QKI: variants seen among roughly 807,000 people sequenced by gnomAD.
QKI encodes the protein QKI, KH domain containing RNA binding, also known as KH domain-containing RNA-binding protein QKI.
In QKI, 10 loss-of-function variants were observed where a neutral mutation model predicts 39.0. The ratio of observed to expected loss-of-function variants is 0.26; its 90% CI spans 0.16 to 0.43. The LOEUF (loss-of-function observed/expected upper bound fraction) is 0.43, where lower values mean the gene tolerates loss of function less well. Among genes scored for constraint, QKI ranks in the 20% least tolerant of loss-of-function variants. QKI has a pLI of 1.00. For missense variants in QKI, 218 were observed against 428.0 expected, an observed-to-expected ratio of 0.51 and a Z score of 4.33; for synonymous variants, 204 against 155.4, an observed-to-expected ratio of 1.31 and a Z score of -2.33.
intron 1 of QKI, among the ~76,000 whole-genome samples, chr6:163,439,361 G>A (rs1231617972): frequency 6.8e-6 from 1 of 147,468 alleles, no homozygotes; most frequent in African/African-American, 2.5e-5. Context: ...TTTTCGGGGG[G>A]GTGGGGGACG....
chr6:163,527,710 A>T (rs1200894728), intron 3 of QKI, among the ~76,000 whole-genome samples: 1 of 151,826 alleles, frequency 6.6e-6, no homozygotes, highest in East Asian at 1.9e-4. Context: ...TGTTGAGATT[A>T]TTTTTTTACT....
Position 163,578,477 on chromosome 6 carries a change from A to C in QKI, c.*7767A>C, listed in dbSNP as rs1371854132. 6.6e-6 allele frequency: 1 copy of C among 152,254 alleles called. No homozygotes were observed. The highest frequency in any genetic ancestry group is 1.5e-5 in the Non-Finnish European group (1 of 68,052). 9.4% of individuals were successfully genotyped at this position (152,254 alleles called of 1,614,324 possible). A position where few individuals can be genotyped will look rare whatever the true frequency, so the allele number is the denominator to read the frequency against. On this transcript the variant is annotated 3_prime_UTR_variant, in exon 8 of 8. Coordinates refer to ENST00000361752, the MANE Select transcript of QKI (RefSeq NM_006775.3). Reference sequence around the variant, plus strand: ...TATAAAATTAAGACATACTGGTAGTACAAGTTGAAAGTTGGTTTGAATACA... The same window carrying C: ...TATAAAATTAAGACATACTGGTAGTCCAAGTTGAAAGTTGGTTTGAATACA...
intron 6 of QKI, chr6:163,564,245 A>G: frequency 1.9e-6 from 2 of 1,029,644 alleles, no homozygotes; most frequent in South Asian, 7.8e-5. Flanking sequence ...CAACGGGGAT[A>G]CAGTCTAAGA....
At position 163,439,806 on chromosome 6, in the gene QKI, C is replaced by T. The variant is rs368101695; in HGVS notation, c.143-15473C>T. On this transcript the variant is annotated intron_variant, in intron 1 of 7. Transcript: ENST00000361752. ...CAGGTAATACAAGTGTGTGCCACCA[C>T]GCCCAGCTAATTTGTGTATTTTTAG... is the stretch of plus-strand genomic sequence containing the variant. 4.6e-5 allele frequency among the ~76,000 whole-genome samples: 7 copies of T among 151,994 alleles called. 1 individual carries two copies. The highest frequency in any genetic ancestry group is 1.7e-4 in the African/African-American group (7 of 41,452).
At chr6:163,487,190 T>C (rs977275728) in intron 3 of QKI, among the ~76,000 whole-genome samples, 2 of 152,064 alleles carry the variant, frequency 1.3e-5, no homozygotes, top group Admixed American at 6.6e-5. Context: ...GTTTTTTTTT[T>C]TTACGTTTTC....
chr6:163,427,082 T>C (rs1197236053), intron 1 of QKI, among the ~76,000 whole-genome samples: 3 of 152,158 alleles, frequency 2.0e-5, no homozygotes, highest in Non-Finnish European at 4.4e-5. Context: ...ATAGGAATGG[T>C]ATGAAATACT....
intron 3 of QKI, among the ~76,000 whole-genome samples, chr6:163,499,432 AT>A (rs1173647434): frequency 6.6e-6 from 1 of 152,210 alleles, no homozygotes; most frequent in Non-Finnish European, 1.5e-5. Context: ...TGATGATATG[AT>A]TAAATGTAAA....
chr6:163,482,521 G>T (rs1583067748), intron 3 of QKI, among the ~76,000 whole-genome samples: 1 of 152,200 alleles, frequency 6.6e-6, no homozygotes, highest in South Asian at 2.1e-4. Context: ...ACAAGCCCCA[G>T]TGGTGACCTG....
chr6:163,550,339 C>T (rs1354709419), intron 4 of QKI, among the ~76,000 whole-genome samples: 2 of 152,132 alleles, frequency 1.3e-5, no homozygotes, highest in Non-Finnish European at 2.9e-5. Context: ...ATCCATTAAT[C>T]CACTAATCCA....
intron 3 of QKI, among the ~76,000 whole-genome samples, chr6:163,500,727 G>GA (rs1024550321): frequency 1.1e-4 from 17 of 152,176 alleles, no homozygotes; most frequent in African/African-American, 3.1e-4. Context: ...ACAGAATAGA[G>GA]AAAAAACCAA....
At chr6:163,421,934 G>A (rs1423490960) in intron 1 of QKI, among the ~76,000 whole-genome samples, 9 of 151,436 alleles carry the variant, frequency 5.9e-5, no homozygotes, top group Admixed American at 4.6e-4. Context: ...TAGTAGAGAC[G>A]GGGTTTCACC....
At chr6:163,569,958 A>G (rs1317853706) in intron 7 of QKI, 7 of 986,510 alleles carry the variant, frequency 7.1e-6, no homozygotes, top group Non-Finnish European at 8.4e-6. Context: ...CTATATGTGT[A>G]AAATAGTATT....
intron 1 of QKI, among the ~76,000 whole-genome samples, chr6:163,445,615 CT>C (rs771151149): frequency 2.2e-3 from 299 of 135,286 alleles, no homozygotes; most frequent in Admixed American, 3.3e-3. Flanking sequence ...GAGTATATGT[CT>C]TTTTTTTTTT....
intron 3 of QKI, among the ~76,000 whole-genome samples, chr6:163,512,302 T>C (rs1359840970): frequency 6.6e-6 from 1 of 151,958 alleles, no homozygotes; most frequent in Non-Finnish European, 1.5e-5. Flanking sequence ...TTTTACCCTG[T>C]CTATTCCAAT....
chr6:163,521,203 CTCT>C (rs1780136668), intron 3 of QKI, among the ~76,000 whole-genome samples: 1 of 152,052 alleles, frequency 6.6e-6, no homozygotes, highest in Non-Finnish European at 1.5e-5. Flanking sequence ...TAGAGGTATG[CTCT>C]TCTTAGTAGC....
intron 3 of QKI, among the ~76,000 whole-genome samples, chr6:163,516,053 G>A (rs1779775715): frequency 6.6e-6 from 1 of 152,040 alleles, no homozygotes; most frequent in Non-Finnish European, 1.5e-5. Context: ...CTTTTGATGG[G>A]ATAGTAACTA....
chr6:163,511,906 CAAAG>C (rs1236719394), intron 3 of QKI, among the ~76,000 whole-genome samples: 5 of 151,880 alleles, frequency 3.3e-5, no homozygotes, highest in Admixed American at 2.0e-4. Flanking sequence ...AACAGCAAAA[CAAAG>C]AATCAGTATT....
At chr6:163,441,737 G>A (rs1249103910) in intron 1 of QKI, among the ~76,000 whole-genome samples, 3 of 152,176 alleles carry the variant, frequency 2.0e-5, no homozygotes, top group Non-Finnish European at 2.9e-5. Flanking sequence ...GAGCCATACT[G>A]CTCTTTGGGG....
Position 163,557,652 on chromosome 6 carries a change from G to A in QKI, c.547-4330G>A, listed in dbSNP as rs145701193. ...TGACTACAGTCAACAATAATTTATCGTACATTTAAGAATAATTGGATTGTT... is the reference window on the plus strand; with the variant it reads ...TGACTACAGTCAACAATAATTTATCATACATTTAAGAATAATTGGATTGTT... On this transcript the variant is annotated intron_variant, in intron 4 of 7. Coordinates refer to ENST00000361752, the MANE Select transcript of QKI (RefSeq NM_006775.3). Among the ~76,000 whole-genome samples the A allele has an allele frequency of 2.2e-4, 33 of 152,188 alleles. No homozygotes were observed. The East Asian group carries it at 2.7e-3, about 12-fold the overall frequency.
Sources: gnomAD v4.1 joint callset for allele counts (sites outside exome capture counted in the v4.1 genomes callset) on GRCh38, gnomAD v4.1.1 for gene constraint, MANE v1.5 for transcripts, NCBI Gene and HGNC (gene_info 2026-07-23, HGNC 2026-07-21) for gene names.